UBR1: variants seen among roughly 807,000 people sequenced by gnomAD.
UBR1 encodes ubiquitin protein ligase E3 component n-recognin 1, also known as E3 ubiquitin-protein ligase UBR1.
Under a neutral mutation model 242.1 loss-of-function variants are expected in UBR1, and 102 were observed. The ratio of observed to expected loss-of-function variants is 0.42; its 90% CI spans 0.36 to 0.50. UBR1 has a LOEUF of 0.50. UBR1 is among the 20% of genes least tolerant of loss of function. The probability of loss-of-function intolerance (pLI) is 0.01; values close to 1 mark genes in which losing one functional copy is unlikely to be tolerated. For synonymous variants in UBR1, 675 were observed against 684.8 expected (o/e 0.99, Z 0.22); for missense variants, 1,772 against 2,101.8 (o/e 0.84, Z 3.07).
intron 40 of UBR1, 106 bp from the exon 41 acceptor site, chr15:42,966,392 T>C: frequency 6.8e-7 from 1 of 1,460,096 alleles, no homozygotes; most frequent in Non-Finnish European, 9.4e-7. Context: ...TTAGGTAATT[T>C]ATTATCCATG....
At chr15:43,015,505 C>T (rs539000378) in intron 29 of UBR1, among the ~76,000 whole-genome samples, 183 bp downstream of exon 29, 22 of 152,266 alleles carry the variant, frequency 1.4e-4, no homozygotes, top group African/African-American at 2.6e-4. Flanking sequence ...ACAAACACTG[C>T]GGAAGGCCGC....
intron 33 of UBR1, among the ~76,000 whole-genome samples, chr15:42,994,329 C>T (rs1325797902): frequency 7.3e-5 from 10 of 136,846 alleles, no homozygotes; most frequent in African/African-American, 2.8e-4. Flanking sequence ...GGGAGAATCA[C>T]TTGAGGTCAG....
chr15:43,024,693 G>T, intron 25 of UBR1, 136 bp downstream of exon 25: 1 of 1,235,210 alleles, frequency 8.1e-7, no homozygotes, highest in Non-Finnish European at 1.2e-6. Context: ...TTTGTGCTGT[G>T]TGTAAGCTAT....
At chr15:43,093,578 C>G (rs2034127355) in intron 1 of UBR1, among the ~76,000 whole-genome samples, 1 of 152,064 alleles carries the variant, frequency 6.6e-6, no homozygotes, top group Non-Finnish European at 1.5e-5. Flanking sequence ...CCCAGAAGTT[C>G]AAGACCAGCG....
intron 44 of UBR1, among the ~76,000 whole-genome samples, chr15:42,956,045 T>G (rs2031914365): frequency 6.6e-6 from 1 of 152,192 alleles, no homozygotes; most frequent in Admixed American, 6.5e-5. Context: ...TGGGAACCAC[T>G]GCTTTAGAGT....
chr15:42,949,580 C>G (rs2031794918), intron 46 of UBR1, among the ~76,000 whole-genome samples: 1 of 135,666 alleles, frequency 7.4e-6, no homozygotes, highest in South Asian at 2.5e-4. Flanking sequence ...GGGTAGATCA[C>G]TTGAGGTCAG....
chr15:43,009,814 A>G (rs879646106), intron 29 of UBR1, among the ~76,000 whole-genome samples: 16 of 152,230 alleles, frequency 1.1e-4, no homozygotes, highest in African/African-American at 2.7e-4. Context: ...TGAACAATAA[A>G]TAAATATTAA....
At chr15:43,006,442 AAT>A (rs2032830921) in intron 30 of UBR1, among the ~76,000 whole-genome samples, 1 of 152,148 alleles carries the variant, frequency 6.6e-6, no homozygotes, top group South Asian at 2.1e-4. Context: ...ATGCCTGGCT[AAT>A]ATGTTTGTAA....
chr15:42,988,372 G>A, intron 35 of UBR1: 2 of 204,766 alleles, frequency 9.8e-6, no homozygotes, highest in Non-Finnish European at 2.0e-5. Flanking sequence ...ATGGCTCACT[G>A]CAGCCTCAAA....
intron 29 of UBR1, among the ~76,000 whole-genome samples, chr15:43,009,979 T>A (rs567990321): frequency 6.6e-6 from 1 of 152,328 alleles, no homozygotes; most frequent in East Asian, 1.9e-4. Flanking sequence ...CAAGTGATTC[T>A]CCTTGCCTCG....
rs557501337 is a variant in UBR1 at position 43,007,339 on chromosome 15, T to C, written c.3210-55A>G. 296 of 1,544,202 alleles carry C rather than the reference T, an allele frequency of 1.9e-4. No homozygotes were observed. In the Middle Eastern group the frequency reaches 2.3e-3, roughly 12 times the overall value. ...CACATGTTTTGGTCACTTGTCTTCA[T>C]ATTTTGGTAGATTTTAAGTAACTAT... On this transcript the variant is annotated intron_variant, in intron 29 of 46. Transcript: ENST00000290650.
At chr15:43,058,562 T>C (rs1232550329) in intron 9 of UBR1, 133 bp from the exon 10 acceptor site, 41 of 627,348 alleles carry the variant, frequency 6.5e-5, no homozygotes, top group Non-Finnish European at 1.1e-4. Flanking sequence ...ATAGTATTTA[T>C]TGTATTAATA....
At chr15:43,100,171 G>C (rs985591723) in intron 1 of UBR1, among the ~76,000 whole-genome samples, 1 of 151,994 alleles carries the variant, frequency 6.6e-6, no homozygotes, top group African/African-American at 2.4e-5. Flanking sequence ...CACTGCACCA[G>C]GCCAAGAGGT....
intron 31 of UBR1, chr15:43,003,495 AT>A (rs2032758018): frequency 5.8e-6 from 2 of 347,082 alleles, no homozygotes. Flanking sequence ...ACCTCAGGTG[AT>A]CCTCCTGCCT....
rs566559345 is a variant in UBR1, at chr15:43,030,721, G to A, written c.2255-653C>T. On this transcript the variant is annotated intron_variant, in intron 20 of 46. Coordinates refer to ENST00000290650, the MANE Select transcript of UBR1 (RefSeq NM_174916.3). ...ACCGGTGTCAACAGCATCTAATTCCGATTGCCTTAAGAAGGCTTACAATAT... is the reference window on the plus strand; with the variant it reads ...ACCGGTGTCAACAGCATCTAATTCCAATTGCCTTAAGAAGGCTTACAATAT... 9.9e-5 allele frequency among the ~76,000 whole-genome samples: 15 copies of A among 152,130 alleles called. No individual in the cohort carries two copies. In the South Asian group the frequency reaches 1.5e-3, roughly 15 times the overall value.
At chr15:42,981,201 G>C (rs923292702) in intron 37 of UBR1, among the ~76,000 whole-genome samples, 1 of 152,032 alleles carries the variant, frequency 6.6e-6, no homozygotes, top group Non-Finnish European at 1.5e-5. Context: ...AAAGAATAAA[G>C]TTCAAACTTA....
At chr15:42,969,724 A>C (rs1192547264) in intron 40 of UBR1, among the ~76,000 whole-genome samples, 1 of 152,234 alleles carries the variant, frequency 6.6e-6, no homozygotes, top group Non-Finnish European at 1.5e-5. Context: ...AGGGAGCCAA[A>C]TCATGAGCAA....
rs1305480190 is a variant in UBR1, at chr15:42,944,407, T to C, written c.*922A>G. On this transcript the variant is annotated 3_prime_UTR_variant, in exon 47 of 47. Transcript: ENST00000290650. ...CAAGGATTTGTCTTTTACAAAGATA[T>C]AGAAGACTGCGGAATTGGTTTAAAT... The C allele has an allele frequency of 3.9e-5, 6 of 152,504 alleles. No individual in the cohort carries two copies. Among genetic ancestry groups the C allele is most frequent in the Non-Finnish European group, 4.4e-5 (3 of 68,036 alleles). The allele number at this position is 152,504 out of a possible 1,614,324, so 9.4% of individuals were successfully genotyped here.
At chr15:43,059,928 A>C in intron 7 of UBR1, 103 bp from the exon 8 acceptor site, 1 of 1,556,030 alleles carries the variant, frequency 6.4e-7, no homozygotes, top group South Asian at 1.1e-5. Flanking sequence ...TGCCAGTTCC[A>C]AATCTCTGCA....
Sources: gnomAD v4.1 joint callset for allele counts (sites outside exome capture counted in the v4.1 genomes callset) on GRCh38, gnomAD v4.1.1 for gene constraint, MANE v1.5 for transcripts, NCBI Gene and HGNC (gene_info 2026-07-23, HGNC 2026-07-21) for gene names.